The following SHANK2 variants were observed in gnomAD, a reference collection of about 807,000 sequenced individuals.
SHANK2 encodes the protein SH3 and multiple ankyrin repeat domains protein 2.
Under a neutral mutation model 133.7 loss-of-function variants are expected in SHANK2, and 43 were observed. The ratio of observed to expected loss-of-function variants is 0.32; its 90% CI spans 0.25 to 0.41. SHANK2 has a LOEUF of 0.41. Among genes scored for constraint, SHANK2 ranks in the 10% least tolerant of loss-of-function variants. The pLI, the probability that SHANK2 is intolerant of heterozygous loss-of-function variation, is 1.00. For synonymous variants in SHANK2, 1,017 were observed against 952.8 expected (o/e 1.07, Z -1.24); for missense variants, 1,994 against 2,235.8 (o/e 0.89, Z 2.18).
intron 6 of SHANK2, among the ~76,000 whole-genome samples, chr11:71,107,100 G>C (rs369569973): frequency 6.6e-6 from 1 of 152,130 alleles, no homozygotes; most frequent in Admixed American, 6.5e-5. Flanking sequence ...GGGTAACAGG[G>C]GGAGACCCTG....
intron 14 of SHANK2, among the ~76,000 whole-genome samples, chr11:70,791,470 T>C (rs1947784856): frequency 1.3e-5 from 2 of 152,186 alleles, no homozygotes; most frequent in African/African-American, 4.8e-5. Flanking sequence ...AGAAGTGAGA[T>C]TTTATAAATC....
chr11:70,643,037 C>T (rs2061206924), intron 17 of SHANK2, among the ~76,000 whole-genome samples: 5 of 152,166 alleles, frequency 3.3e-5, no homozygotes, highest in South Asian at 2.1e-4. Context: ...TGTATCAAAA[C>T]GTCACATGGG....
At chr11:70,476,772 A>AT (rs2058670126) in intron 25 of SHANK2, among the ~76,000 whole-genome samples, 1 of 152,218 alleles carries the variant, frequency 6.6e-6, no homozygotes, top group Non-Finnish European at 1.5e-5. Flanking sequence ...AGCTGACTAC[A>AT]TGGTGACTGT....
At chr11:71,078,172 TA>T (rs1269738710) in intron 8 of SHANK2, among the ~76,000 whole-genome samples, 29,324 of 142,022 alleles carry the variant, frequency 0.21, 3,002 homozygotes, top group African/African-American at 0.26. Context: ...AAGGAAATGG[TA>T]AAAAAAAAAA....
chr11:71,183,495 A>C (rs1244394869), intron 2 of SHANK2, among the ~76,000 whole-genome samples: 3 of 152,194 alleles, frequency 2.0e-5, no homozygotes, highest in African/African-American at 7.2e-5. Context: ...GCAAAGCTCT[A>C]AGCAAACAGA....
intron 8 of SHANK2, among the ~76,000 whole-genome samples, chr11:71,081,729 G>T (rs1217219540): frequency 1.3e-5 from 2 of 152,190 alleles, no homozygotes; most frequent in Non-Finnish European, 1.5e-5. Flanking sequence ...ACCTTGCCAG[G>T]CCAGAGGGGC....
intron 14 of SHANK2, among the ~76,000 whole-genome samples, chr11:70,787,527 C>T (rs1555046934): frequency 6.7e-6 from 1 of 150,074 alleles, no homozygotes; most frequent in African/African-American, 2.4e-5. Flanking sequence ...AAGACCACCA[C>T]CACCAGCATC....
chr11:70,703,543 C>T (rs962642827), intron 14 of SHANK2, among the ~76,000 whole-genome samples: 3 of 152,136 alleles, frequency 2.0e-5, no homozygotes, highest in Admixed American at 6.5e-5. Context: ...ACTTGCTGTG[C>T]ACTGCGCTGA....
In SHANK2 at chr11:70,492,458, G is replaced by C. The variant is rs782521909; in HGVS notation, c.2316C>G (p.Pro772=). Residue 772 remains proline, a synonymous_variant, in exon 22 of 26, where the codon CCC becomes CCG. Coordinates refer to ENST00000601538, the MANE Select transcript of SHANK2 (RefSeq NM_012309.5). ...KASVRKKKDK[P]EEIVPASKPS... ...GCTTGGAGGCCGGGACTATCTCCTC[G>C]GGTTTATCTGCAATAGAACCGTGAG... is the stretch of plus-strand genomic sequence containing the variant. The C allele has an allele frequency of 1.2e-6, 2 of 1,613,868 alleles. No individual in the cohort carries two copies. The highest frequency in any genetic ancestry group is 1.3e-5 in the African/African-American group (1 of 74,940).
intron 17 of SHANK2, among the ~76,000 whole-genome samples, chr11:70,620,659 A>C (rs1408358212): frequency 1.3e-5 from 2 of 152,074 alleles, no homozygotes; most frequent in Non-Finnish European, 2.9e-5. Context: ...CTATGTTGAC[A>C]CATTTGGAGA....
chr11:71,156,674 C>T (rs1246413249), intron 2 of SHANK2, among the ~76,000 whole-genome samples: 1 of 152,230 alleles, frequency 6.6e-6, no homozygotes. Flanking sequence ...TGGACACATA[C>T]ATTTGTGAAA....
intron 11 of SHANK2, among the ~76,000 whole-genome samples, chr11:70,843,225 G>C (rs1165301596): frequency 1.3e-5 from 2 of 150,482 alleles, no homozygotes; most frequent in Non-Finnish European, 3.0e-5. Flanking sequence ...GGGTGGGCTG[G>C]GCTGCTATGG....
intron 17 of SHANK2, among the ~76,000 whole-genome samples, chr11:70,577,620 A>G (rs1310507226): frequency 6.6e-6 from 1 of 152,166 alleles, no homozygotes; most frequent in African/African-American, 2.4e-5. Context: ...GAGGCAACAG[A>G]TTGATTTGAG....
chr11:70,703,165 G>A (rs1945576298), intron 14 of SHANK2, among the ~76,000 whole-genome samples: 1 of 152,206 alleles, frequency 6.6e-6, no homozygotes, highest in Non-Finnish European at 1.5e-5. Context: ...CACTTACCAG[G>A]GGCCACACGT....
At chr11:70,850,853 A>G (rs1949075213) in intron 11 of SHANK2, among the ~76,000 whole-genome samples, 1 of 152,214 alleles carries the variant, frequency 6.6e-6, no homozygotes, top group South Asian at 2.1e-4. Flanking sequence ...AGTACCCGAG[A>G]GTCCTGACAA....
intron 14 of SHANK2, among the ~76,000 whole-genome samples, chr11:70,721,657 G>A (rs1946077730): frequency 6.6e-6 from 1 of 152,200 alleles, no homozygotes; most frequent in African/African-American, 2.4e-5. Flanking sequence ...TCCCAGTGCT[G>A]GGGAGGTACC....
chr11:71,199,343 CTG>C (rs1336662422), intron 2 of SHANK2, among the ~76,000 whole-genome samples: 2 of 152,264 alleles, frequency 1.3e-5, no homozygotes, highest in African/African-American at 2.4e-5. Context: ...CAGCCACAAA[CTG>C]TGTCACTACC....
rs537025332 is a variant in SHANK2 at position 70,651,550 on chromosome 11, T to C, written c.2061+8278A>G. 9.2e-5 allele frequency among the ~76,000 whole-genome samples: 14 copies of C among 152,288 alleles called. No homozygotes were observed. In the South Asian group the frequency reaches 2.7e-3, roughly 29 times the overall value. ...AGCCTCAGAGAGCAGACCCCAATGC[T>C]GTTGGCCTCAGAGACTGAAGATCCC... On this transcript the variant is annotated intron_variant, in intron 17 of 25. Coordinates refer to ENST00000601538, the MANE Select transcript of SHANK2 (RefSeq NM_012309.5).
intron 17 of SHANK2, among the ~76,000 whole-genome samples, chr11:70,507,119 C>T (rs904004352): frequency 3.9e-5 from 6 of 152,336 alleles, no homozygotes; most frequent in South Asian, 4.1e-4. Flanking sequence ...CACTTGCATG[C>T]GGCATCCTCC....
Sources: gnomAD v4.1 joint callset for allele counts (sites outside exome capture counted in the v4.1 genomes callset) on GRCh38, gnomAD v4.1.1 for gene constraint, MANE v1.5 for transcripts, NCBI Gene and HGNC (gene_info 2026-07-23, HGNC 2026-07-21) for gene names.